KDR: variants seen among roughly 807,000 people sequenced by gnomAD.
KDR encodes the protein vascular endothelial growth factor receptor 2.
Under a neutral mutation model 160.9 loss-of-function variants are expected in KDR, and 43 were observed. That is an observed-to-expected ratio of 0.27 (90% CI 0.21 to 0.34). KDR has a LOEUF of 0.34. KDR is among the 10% of genes least tolerant of loss of function. KDR has a pLI of 1.00. For synonymous variants in KDR, 617 were observed against 600.1 expected, an observed-to-expected ratio of 1.03 and a Z score of -0.41; for missense variants, 1,469 against 1,666.4, an observed-to-expected ratio of 0.88 and a Z score of 2.06.
At chr4:55,080,749 A>C (rs995186208) in intron 29 of KDR, among the ~76,000 whole-genome samples, 2 of 152,232 alleles carry the variant, frequency 1.3e-5, no homozygotes, top group Non-Finnish European at 2.9e-5. Flanking sequence ...ACTCAGCAGC[A>C]ACTAGAAAAT....
intron 13 of KDR, among the ~76,000 whole-genome samples, chr4:55,103,503 C>T (rs1720366451): frequency 1.3e-5 from 2 of 152,162 alleles, no homozygotes; most frequent in Non-Finnish European, 2.9e-5. Context: ...GGCCAGGAGC[C>T]TACTTCACAT....
intron 1 of KDR, among the ~76,000 whole-genome samples, chr4:55,124,875 G>C (rs12502008): frequency 6.6e-6 from 1 of 151,898 alleles, no homozygotes; most frequent in Non-Finnish European, 1.5e-5. Context: ...TTCACCGCCT[G>C]TTCTCGCCTG....
intron 16 of KDR, 55 bp downstream of exon 16, chr4:55,098,642 T>A (rs1720222629): frequency 1.5e-6 from 2 of 1,347,204 alleles, no homozygotes; most frequent in Admixed American, 3.4e-5. Context: ...CCCAGTCAGT[T>A]TTCATTAATC....
chr4:55,090,132 A>G, intron 22 of KDR, 54 bp from the exon 23 acceptor site: 1 of 1,608,182 alleles, frequency 6.2e-7, no homozygotes, highest in Non-Finnish European at 8.5e-7. Flanking sequence ...TCTCTTTCAC[A>G]TCTGTTGTGA....
At chr4:55,090,223 C>T in intron 22 of KDR, 145 bp from the exon 23 acceptor site, 1 of 896,004 alleles carries the variant, frequency 1.1e-6, no homozygotes, top group Non-Finnish European at 1.8e-6. Flanking sequence ...ATCAACACTT[C>T]AGGAAAAAAG....
At chr4:55,081,020 TA>T (rs1484864616) in intron 29 of KDR, among the ~76,000 whole-genome samples, 1 of 152,246 alleles carries the variant, frequency 6.6e-6, no homozygotes, top group Non-Finnish European at 1.5e-5. Flanking sequence ...CCAACAAAAC[TA>T]ATGTAGGTGT....
intron 15 of KDR, among the ~76,000 whole-genome samples, chr4:55,100,745 T>C (rs1720289695): frequency 6.6e-6 from 1 of 152,168 alleles, no homozygotes; most frequent in African/African-American, 2.4e-5. Context: ...CATCATAGAT[T>C]TGGCAGAGTA....
In KDR at chr4:55,114,230, G is replaced by T. The variant is rs978813018; in HGVS notation, c.694C>A (p.His232Asn). 6.2e-7 allele frequency: 1 copy of T among 1,613,810 alleles called. No individual in the cohort carries two copies. The highest frequency in any genetic ancestry group is 8.5e-7 in the Non-Finnish European group (1 of 1,179,882). Residue 232 changes from histidine (H) to asparagine (N), a missense_variant, in exon 6 of 30, where the codon CAT becomes AAT. His to Asn is a moderately conservative substitution (Grantham distance 68, BLOSUM62 1). Transcript: ENST00000263923. The part of the protein sequence containing the change: ...RIYDVVLSPS[H>N]GIELSVGEKL... ...TCTCCAACAGATAGTTCAATTCCAT[G>T]AGACGGACTCAGAACCACATCATAA...
At chr4:55,095,733 G>A in intron 19 of KDR, 68 bp from the exon 20 acceptor site, 1 of 1,145,994 alleles carries the variant, frequency 8.7e-7, no homozygotes, top group Non-Finnish European at 1.3e-6. Flanking sequence ...GTTTAATATA[G>A]TGATGAACCC....
chr4:55,104,908 G>A lies in KDR; in HGVS notation c.1722C>T (p.Asp574=), dbSNP rs765027433. Residue 574 remains aspartate (D), a synonymous_variant, in exon 13 of 30, where the codon GAC becomes GAT. Coordinates refer to ENST00000263923, the MANE Select transcript of KDR (RefSeq NM_002253.4). The stretch of plus-strand genomic sequence containing the variant: ...ATGTGAGGTTCTCAAACGTAGATCT[G>A]TCTGCAGTGCACCACAAAGACACGC... The part of the protein sequence containing the change: ...QESVSLWCTA[D]RSTFENLTWY... 18 of 1,613,856 alleles carry A rather than the reference G, an allele frequency of 1.1e-5. No homozygotes were observed. Among genetic ancestry groups the A allele is most frequent in the East Asian group, 6.7e-5 (3 of 44,888 alleles).
chr4:55,088,969 G>T lies in KDR; in HGVS notation c.3409C>A (p.Gln1137Lys). 6.2e-7 allele frequency: 1 copy of T among 1,610,798 alleles called. No individual in the cohort carries two copies. Among genetic ancestry groups the T allele is most frequent in the Non-Finnish European group, 8.5e-7 (1 of 1,177,040 alleles). Residue 1137 changes from glutamine to lysine, a missense_variant, in exon 26 of 30, where the codon CAG (glutamine) becomes AAG (lysine). Physicochemically the swap from Gln to Lys is moderately conservative, Grantham distance 53 (BLOSUM62 1). Around this residue, in one of 7 missense-constraint regions of KDR, gnomAD observed 132 missense variants for 195.9 expected, o/e 0.67. Coordinates refer to ENST00000263923, the MANE Select transcript of KDR (RefSeq NM_002253.4). Reference protein sequence around the residue: ...APDYTTPEMYQTMLDCWHGEP... With the variant: ...APDYTTPEMYKTMLDCWHGEP... ...CCGTGCCAGCAGTCCAGCATGGTCT[G>T]GTACCTAGAGAAGCAAAACACTGAT...
At chr4:55,080,385 C>A (rs1719702309) in intron 29 of KDR, among the ~76,000 whole-genome samples, 1 of 152,170 alleles carries the variant, frequency 6.6e-6, no homozygotes, top group Admixed American at 6.5e-5. Flanking sequence ...TTACTCAGGT[C>A]CAAGTCTTTC....
At chr4:55,123,743 C>A (rs1158031856) in intron 1 of KDR, among the ~76,000 whole-genome samples, 1 of 152,172 alleles carries the variant, frequency 6.6e-6, no homozygotes, top group African/African-American at 2.4e-5. Context: ...ATGTTCAAAT[C>A]CCATAACCAA....
At chr4:55,083,831 T>C (rs1383658619) in intron 27 of KDR, among the ~76,000 whole-genome samples, 1 of 152,204 alleles carries the variant, frequency 6.6e-6, no homozygotes, top group East Asian at 1.9e-4. Flanking sequence ...AATGAGATTT[T>C]CCGGTGACAT....
intron 22 of KDR, chr4:55,092,347 T>C (rs1054519769): frequency 2.2e-6 from 1 of 459,648 alleles, no homozygotes; most frequent in Non-Finnish European, 4.0e-6. Context: ...GAGCTTTGCC[T>C]GATTGTTCAC....
chr4:55,091,484 C>T (rs1396255472), intron 22 of KDR, among the ~76,000 whole-genome samples: 1 of 152,108 alleles, frequency 6.6e-6, no homozygotes, highest in African/African-American at 2.4e-5. Context: ...CGAATTCCGG[C>T]CATAAAAAAA....
rs548682808 is a variant in KDR, at chr4:55,104,736, C to G, written c.1894G>C (p.Ala632Pro). The G allele has an allele frequency of 6.2e-7, 1 of 1,613,922 alleles. No homozygotes were observed. The highest frequency in any genetic ancestry group is 2.2e-5 in the East Asian group (1 of 44,866). The change falls in exon 13 of 30, where the codon GCA becomes CCA. Residue 632 changes from alanine to proline, a missense_variant. Physicochemically the swap from Ala to Pro is conservative, Grantham distance 27 (BLOSUM62 -1). This residue lies in a region of KDR where 792 missense variants were observed against 840.9 expected (regional missense o/e 0.94). Transcript: ENST00000263923. ...TAGTCTCCTTGGTCCTGCAAGGATG[C>G]ATTCTTAAGCTCCATGATCAAAATG... ...NDILIMELKNASLQDQGDYVC... is the reference protein window; with the variant it reads ...NDILIMELKNPSLQDQGDYVC...
intron 24 of KDR, 32 bp from the exon 25 acceptor site, chr4:55,089,505 A>G (rs1719953963): frequency 6.5e-7 from 1 of 1,540,772 alleles, no homozygotes; most frequent in Admixed American, 1.7e-5. Context: ...ACATTCTTTG[A>G]TTTGATTTTC....
chr4:55,080,401 T>A (rs1321740673), intron 29 of KDR, among the ~76,000 whole-genome samples: 1 of 152,146 alleles, frequency 6.6e-6, no homozygotes, highest in Non-Finnish European at 1.5e-5. Flanking sequence ...CTTTCAAGCC[T>A]CAAATGAGAT....
Sources: gnomAD v4.1 joint callset for allele counts (sites outside exome capture counted in the v4.1 genomes callset) on GRCh38, gnomAD v4.1.1 for gene constraint, gnomAD v4.1.1 regional missense constraint, MANE v1.5 for transcripts, NCBI Gene and HGNC (gene_info 2026-07-23, HGNC 2026-07-21) for gene names.